NLGN1: variants seen among roughly 807,000 people sequenced by gnomAD.
The protein encoded by NLGN1 is neuroligin-1.
Under a neutral mutation model 65.5 loss-of-function variants are expected in NLGN1, and 12 were observed. That is an observed-to-expected ratio of 0.18 (90% CI 0.12 to 0.30). The LOEUF is 0.30. Among genes scored for constraint, NLGN1 ranks in the 10% least tolerant of loss-of-function variants. The probability of loss-of-function intolerance (pLI) is 1.00; values close to 1 mark genes in which losing one functional copy is unlikely to be tolerated. For synonymous variants in NLGN1, 350 were observed against 359.5 expected (o/e 0.97, Z 0.30); for missense variants, 750 against 1,007.1 (o/e 0.74, Z 3.46).
intron 1 of NLGN1, among the ~76,000 whole-genome samples, chr3:173,434,057 A>G (rs1717655818): frequency 6.6e-6 from 1 of 152,204 alleles, no homozygotes; most frequent in Non-Finnish European, 1.5e-5. Context: ...AGAAGTAGAA[A>G]ATACATGATT....
At chr3:173,654,349 T>C (rs906928476) in intron 3 of NLGN1, among the ~76,000 whole-genome samples, 12 of 152,136 alleles carry the variant, frequency 7.9e-5, no homozygotes, top group African/African-American at 2.9e-4. Context: ...TAATATCTTA[T>C]AAAACATTAA....
intron 3 of NLGN1, among the ~76,000 whole-genome samples, chr3:173,625,637 A>G (rs1188880405): frequency 6.6e-6 from 1 of 152,172 alleles, no homozygotes; most frequent in Non-Finnish European, 1.5e-5. Context: ...TGTACTAGTT[A>G]TAGATTAATA....
intron 4 of NLGN1, among the ~76,000 whole-genome samples, chr3:174,064,796 A>T (rs1738153729): frequency 6.6e-6 from 1 of 150,688 alleles, no homozygotes; most frequent in South Asian, 2.1e-4. Context: ...TTATTAGACA[A>T]ATATTCAGAG....
intron 4 of NLGN1, among the ~76,000 whole-genome samples, chr3:173,938,758 G>A (rs945668302): frequency 6.6e-6 from 1 of 152,090 alleles, no homozygotes; most frequent in African/African-American, 2.4e-5. Context: ...TTTCTACTCT[G>A]CTTCTTATCT....
At chr3:173,544,991 T>C (rs1413182092) in intron 2 of NLGN1, among the ~76,000 whole-genome samples, 1 of 152,154 alleles carries the variant, frequency 6.6e-6, no homozygotes, top group Non-Finnish European at 1.5e-5. Context: ...ATAAAAGTTG[T>C]CTATTATATT....
chr3:173,822,308 G>T (rs1376103669), intron 4 of NLGN1, among the ~76,000 whole-genome samples: 1 of 152,070 alleles, frequency 6.6e-6, no homozygotes, highest in Non-Finnish European at 1.5e-5. Flanking sequence ...CATCCAAGTG[G>T]AACTGCTCGG....
chr3:173,636,924 A>G (rs1756682727), intron 3 of NLGN1, among the ~76,000 whole-genome samples: 1 of 152,182 alleles, frequency 6.6e-6, no homozygotes, highest in Admixed American at 6.6e-5. Flanking sequence ...GTATCTCCTT[A>G]TAAGACAGTG....
chr3:174,073,749 A>G (rs1580146012), intron 4 of NLGN1, among the ~76,000 whole-genome samples: 1 of 152,218 alleles, frequency 6.6e-6, no homozygotes, highest in East Asian at 1.9e-4. Flanking sequence ...GATAGAGCAG[A>G]CACACTTACC....
At chr3:173,570,648 C>T (rs1744501088) in intron 2 of NLGN1, among the ~76,000 whole-genome samples, 1 of 152,158 alleles carries the variant, frequency 6.6e-6, no homozygotes. Flanking sequence ...TCCCCTGCCT[C>T]TTTCACTTAT....
chr3:173,937,977 G>T (rs895565326), intron 4 of NLGN1, among the ~76,000 whole-genome samples: 3 of 152,016 alleles, frequency 2.0e-5, no homozygotes, highest in African/African-American at 7.2e-5. Flanking sequence ...ATCCATCTGG[G>T]TTTATATTAA....
intron 3 of NLGN1, among the ~76,000 whole-genome samples, chr3:173,755,732 C>T (rs909916372): frequency 1.7e-4 from 26 of 152,008 alleles, no homozygotes; most frequent in African/African-American, 5.3e-4. Context: ...AAACATAAAG[C>T]GCAATGTAAA....
At chr3:173,735,831 T>C (rs1773653878) in intron 3 of NLGN1, among the ~76,000 whole-genome samples, 1 of 152,122 alleles carries the variant, frequency 6.6e-6, no homozygotes, top group South Asian at 2.1e-4. Context: ...ATTCACATAA[T>C]TTTTTTAAAA....
intron 3 of NLGN1, among the ~76,000 whole-genome samples, chr3:173,757,777 C>T (rs1043128250): frequency 5.9e-5 from 9 of 151,822 alleles, no homozygotes; most frequent in African/African-American, 2.2e-4. Context: ...TGCAAATGGC[C>T]AAGTGATTAT....
At chr3:173,756,114 C>T (rs946455619) in intron 3 of NLGN1, among the ~76,000 whole-genome samples, 5 of 145,556 alleles carry the variant, frequency 3.4e-5, no homozygotes, top group African/African-American at 7.4e-5. Context: ...ATGATATCTA[C>T]ATTAATGTTT....
At chr3:174,255,064 C>T (rs998694928) in intron 4 of NLGN1, among the ~76,000 whole-genome samples, 30 of 152,122 alleles carry the variant, frequency 2.0e-4, no homozygotes, top group South Asian at 2.1e-4. Context: ...TACACAGCTA[C>T]AAATGAACGT....
intron 4 of NLGN1, among the ~76,000 whole-genome samples, chr3:174,098,710 C>G (rs1711669868): frequency 6.6e-6 from 1 of 152,112 alleles, no homozygotes; most frequent in Non-Finnish European, 1.5e-5. Flanking sequence ...CACTGCATTT[C>G]AAACCACATC....
chr3:173,981,227 T>C (rs2152393444), intron 4 of NLGN1, among the ~76,000 whole-genome samples: 1 of 152,260 alleles, frequency 6.6e-6, no homozygotes, highest in Admixed American at 6.5e-5. Flanking sequence ...ATTTAAACAT[T>C]GTGCTTAACA....
chr3:173,749,919 A>G (rs1475378737), intron 3 of NLGN1, among the ~76,000 whole-genome samples: 3 of 152,038 alleles, frequency 2.0e-5, no homozygotes, highest in African/African-American at 7.2e-5. Flanking sequence ...GTTCCTGGTA[A>G]TTATTGGATA....
intron 3 of NLGN1, among the ~76,000 whole-genome samples, chr3:173,632,748 AG>A (rs1178509444): frequency 6.6e-6 from 1 of 152,044 alleles, no homozygotes; most frequent in Non-Finnish European, 1.5e-5. Flanking sequence ...TTTAGAGCCA[AG>A]GAAAGCAGCC....
Sources: allele counts gnomAD v4.1 joint callset (sites outside exome capture counted in the v4.1 genomes callset), GRCh38; gene constraint gnomAD v4.1.1; transcripts MANE v1.5; gene names NCBI Gene and HGNC (gene_info 2026-07-23, HGNC 2026-07-21).